Variants in KLHL26 observed in about 807,000 individuals in gnomAD.
KLHL26 encodes kelch like family member 26, also known as kelch-like protein 26.
A neutral mutation model predicts 7.1 loss-of-function variants in KLHL26; 4 were observed. That is an observed-to-expected ratio of 0.56 (90% confidence interval 0.28 to 1.28). KLHL26 has a LOEUF of 1.28. Among genes scored for constraint, KLHL26 ranks in the 50% most tolerant of loss-of-function variants. The pLI is 0.11. For synonymous variants in KLHL26, 465 were observed against 414.1 expected (o/e 1.12, Z -1.49); for missense variants, 896 against 924.6 (o/e 0.97, Z 0.40).
intron 1 of KLHL26, among the ~76,000 whole-genome samples, chr19:18,645,947 G>A (rs2145376176): frequency 1.3e-5 from 2 of 152,200 alleles, no homozygotes; most frequent in Admixed American, 1.3e-4. Context: ...TGGCTGGGTG[G>A]CCTTTGCCTG....
In KLHL26 at chr19:18,642,801, G is replaced by A. The variant is rs530305775; in HGVS notation, c.83+5664G>A. On this transcript the variant is annotated intron_variant, in intron 1 of 2. Transcript: ENST00000300976. ...AGCTATCCTTCTGCTTCAGCCTCCC[G>A]AGTAGCTGGGACTACAGGCATCTAC... 3.3e-5 allele frequency among the ~76,000 whole-genome samples: 5 copies of A among 151,786 alleles called. 1 individual carries two copies. The highest frequency in any genetic ancestry group is 9.7e-5 in the African/African-American group (4 of 41,434).
intron 1 of KLHL26, among the ~76,000 whole-genome samples, chr19:18,658,506 T>C (rs1203167420): frequency 6.6e-6 from 1 of 151,534 alleles, no homozygotes; most frequent in Non-Finnish European, 1.5e-5. Flanking sequence ...TCTCCCTGTC[T>C]CTGGGTCTCT....
In KLHL26 at chr19:18,668,771, AG is replaced by A; in HGVS notation, c.1379del (p.Gly460AlafsTer35). 6.3e-7 allele frequency: 1 copy of A among 1,593,622 alleles called. No homozygotes were observed. On this transcript the variant is annotated frameshift_variant, in exon 3 of 3. Coordinates refer to ENST00000300976, the MANE Select transcript of KLHL26 (RefSeq NM_018316.3). LOFTEE classifies it low-confidence loss of function (END_TRUNC). ...CCTGGGGCCATGCTGGGGCCGCCTCAGGGGGCCGCCTCTACATCTCGGGTGG... is the reference window on the plus strand; with the variant it reads ...CCTGGGGCCATGCTGGGGCCGCCTCAGGGGCCGCCTCTACATCTCGGGTGG... The part of the protein sequence containing the change: ...RTWGHAGAAS[G>X]GRLYISGGYG...
chr19:18,666,747 G>T (rs2052452467), intron 2 of KLHL26, among the ~76,000 whole-genome samples: 1 of 152,184 alleles, frequency 6.6e-6, no homozygotes. Flanking sequence ...CATTCCTGGG[G>T]ACCCTCATTA....
chr19:18,662,099 C>T (rs1456783493), intron 1 of KLHL26, among the ~76,000 whole-genome samples: 1 of 152,150 alleles, frequency 6.6e-6, no homozygotes, highest in Non-Finnish European at 1.5e-5. Context: ...GGTAAATATG[C>T]TCCTAAGGAC....
chr19:18,644,207 G>A (rs1328326374), intron 1 of KLHL26, among the ~76,000 whole-genome samples: 3 of 152,172 alleles, frequency 2.0e-5, no homozygotes, highest in Non-Finnish European at 4.4e-5. Flanking sequence ...GATGCTTTGG[G>A]GGTCATGCAT....
intron 1 of KLHL26, among the ~76,000 whole-genome samples, chr19:18,657,614 C>G (rs2052347919): frequency 6.6e-6 from 1 of 152,232 alleles, no homozygotes; most frequent in Non-Finnish European, 1.5e-5. Context: ...CTGGGTCTGT[C>G]AGTGGCTGAG....
rs78825955 is a variant in KLHL26 at position 18,657,444 on chromosome 19, G to A, written c.84-6817G>A. On this transcript the variant is annotated intron_variant, in intron 1 of 2. Transcript: ENST00000300976. ...TGTCTCCCTGTCTCTGAGTCTCTGG[G>A]TCTCTGAGTCTCTGTGCCTCCATAT... Among the ~76,000 whole-genome samples the A allele has an allele frequency of 1.7e-3, 257 of 149,962 alleles. 1 individual carries two copies. Among genetic ancestry groups the A allele is most frequent in the African/African-American group, 6.1e-3 (248 of 40,614 alleles).
Position 18,668,764 on chromosome 19 carries a change from C to A in KLHL26, c.1367C>A (p.Ala456Asp). 6.3e-7 allele frequency: 1 copy of A among 1,591,890 alleles called. No individual in the cohort carries two copies. Residue 456 changes from alanine to aspartate, a missense_variant, in exon 3 of 3, where the codon GCC becomes GAC. Coordinates refer to ENST00000300976, the MANE Select transcript of KLHL26 (RefSeq NM_018316.3). ...CGCCGTACCTGGGGCCATGCTGGGG[C>A]CGCCTCAGGGGGCCGCCTCTACATC... ...LKRRTWGHAGAASGGRLYISG... is the reference protein window; with the variant it reads ...LKRRTWGHAGDASGGRLYISG...
chr19:18,665,257 C>T (rs1336083258), intron 2 of KLHL26, among the ~76,000 whole-genome samples: 1 of 152,136 alleles, frequency 6.6e-6, no homozygotes, highest in Non-Finnish European at 1.5e-5. Context: ...GGGGTTTCAC[C>T]ATGTTAGCCA....
chr19:18,669,326 C>G lies in KLHL26; in HGVS notation c.*81C>G, dbSNP rs2052500854. On this transcript the variant is annotated 3_prime_UTR_variant, in exon 3 of 3. Coordinates refer to ENST00000300976, the MANE Select transcript of KLHL26 (RefSeq NM_018316.3). ...GGCGAATGCACGTCTGCCTGAGAAC[C>G]CCAGTGCCCCCCTTCGCCCGGGCTG... 1.8e-6 allele frequency: 2 copies of G among 1,113,444 alleles called. No homozygotes were observed. Among genetic ancestry groups the G allele is most frequent in the Non-Finnish European group, 2.6e-6 (2 of 767,076 alleles). The allele number at this position is 1,113,444 out of a possible 1,614,324, so 69.0% of individuals were successfully genotyped here.
At chr19:18,652,328 G>A (rs1359882675) in intron 1 of KLHL26, among the ~76,000 whole-genome samples, 3 of 151,832 alleles carry the variant, frequency 2.0e-5, no homozygotes, top group Admixed American at 1.3e-4. Flanking sequence ...GGTGGCTCCC[G>A]CCTGTAATCC....
rs1456721667 is a variant in KLHL26, at chr19:18,669,926, T to C, written c.*681T>C. On this transcript the variant is annotated 3_prime_UTR_variant, in exon 3 of 3. Coordinates refer to ENST00000300976, the MANE Select transcript of KLHL26 (RefSeq NM_018316.3). ...CCGGAGGAAAAACCATATCAACTCC[T>C]AGAAACGCTCCTTAGGGGCTTGGGA... 6.6e-6 allele frequency: 1 copy of C among 152,322 alleles called. No individual in the cohort carries two copies. Among genetic ancestry groups the C allele is most frequent in the East Asian group, 1.9e-4 (1 of 5,188 alleles). The allele number at this position is 152,322 out of a possible 1,614,324, so 9.4% of individuals were successfully genotyped here.
At position 18,668,766 on chromosome 19, in the gene KLHL26, G is replaced by A. The variant is rs1387473984; in HGVS notation, c.1369G>A (p.Ala457Thr). 2 of 1,592,164 alleles carry A rather than the reference G, an allele frequency of 1.3e-6. No homozygotes were observed. The highest frequency in any genetic ancestry group is 1.1e-5 in the South Asian group (1 of 89,980). ...KRRTWGHAGA[A>T]SGGRLYISGG... Reference sequence around the variant, plus strand: ...CCGTACCTGGGGCCATGCTGGGGCCGCCTCAGGGGGCCGCCTCTACATCTC... The same window carrying A: ...CCGTACCTGGGGCCATGCTGGGGCCACCTCAGGGGGCCGCCTCTACATCTC... The change falls in exon 3 of 3, where the codon GCC (alanine) becomes ACC (threonine). Residue 457 changes from alanine to threonine, a missense_variant. Coordinates refer to ENST00000300976, the MANE Select transcript of KLHL26 (RefSeq NM_018316.3).
chr19:18,663,688 G>GTGTGTTAACGGCTCCTAAGCTATTTAT (rs1600706493), intron 1 of KLHL26, among the ~76,000 whole-genome samples: 1 of 151,824 alleles, frequency 6.6e-6, no homozygotes, highest in East Asian at 1.9e-4. Flanking sequence ...GGAAGAAGTG[G>GTGTGTTAACGGCTCCTAAGCTATTTAT]TGTGTTAACG....
Position 18,656,490 on chromosome 19 carries a change from GC to G in KLHL26, c.84-7770del, listed in dbSNP as rs2052335184. ...GGCCTCCTGCTAGGCACTCCCAGAT[GC>G]TCTGTCTCCTGTCATTCTGTCCCCA... On this transcript the variant is annotated intron_variant, in intron 1 of 2. Coordinates refer to ENST00000300976, the MANE Select transcript of KLHL26 (RefSeq NM_018316.3). This position sits in a 1 kb window ranked among gnomAD's most constrained non-coding sequence, Gnocchi z 4.4. 1.3e-5 allele frequency among the ~76,000 whole-genome samples: 2 copies of G among 152,144 alleles called. No individual in the cohort carries two copies. Among genetic ancestry groups the G allele is most frequent in the Non-Finnish European group, 2.9e-5 (2 of 68,016 alleles).
rs1415930869 is a variant in KLHL26, at chr19:18,669,638, TCAA to T, written c.*396_*398del. On this transcript the variant is annotated 3_prime_UTR_variant, in exon 3 of 3. Transcript: ENST00000300976. ...TTTCAGGCATTCAGATGTGAGCTCA[TCAA>T]CATTGAACCCAAAGTCGGTGGTATA... The T allele has an allele frequency of 2.5e-6, 1 of 399,972 alleles. No homozygotes were observed. Among genetic ancestry groups the T allele is most frequent in the Non-Finnish European group, 4.5e-6 (1 of 223,656 alleles). 24.8% of individuals were successfully genotyped at this position (399,972 alleles called of 1,614,324 possible). A position where few individuals can be genotyped will look rare whatever the true frequency, so the allele number is the denominator to read the frequency against.
intron 1 of KLHL26, among the ~76,000 whole-genome samples, chr19:18,641,401 C>A (rs1976709464): frequency 6.6e-6 from 1 of 150,960 alleles, no homozygotes; most frequent in African/African-American, 2.4e-5. Context: ...TCATTGTAAC[C>A]TCCACCTCTT....
At chr19:18,641,704 C>T (rs554875325) in intron 1 of KLHL26, among the ~76,000 whole-genome samples, 4 of 147,910 alleles carry the variant, frequency 2.7e-5, no homozygotes, top group Admixed American at 6.8e-5. Context: ...TCTTGGCTCA[C>T]TGCAACCTCT....
Sources: allele counts gnomAD v4.1 joint callset (sites outside exome capture counted in the v4.1 genomes callset), GRCh38; gene constraint gnomAD v4.1.1; non-coding constraint Gnocchi (gnomAD v3.1); transcripts MANE v1.5; gene names NCBI Gene and HGNC (gene_info 2026-07-23, HGNC 2026-07-21).